MYOM2: variants seen among roughly 807,000 people sequenced by gnomAD.
The protein encoded by MYOM2 is myomesin 2.
A neutral mutation model predicts 187.6 loss-of-function variants in MYOM2; 254 were observed. The observed-to-expected ratio is 1.35, with a 90% CI of 1.22 to 1.50. The LOEUF (loss-of-function observed/expected upper bound fraction) is 1.50, where lower values mean the gene tolerates loss of function less well. Ranked by LOEUF, MYOM2 falls within the 40% of genes most tolerant of loss-of-function variation. The probability of loss-of-function intolerance (pLI) is 0.00; values close to 1 mark genes in which losing one functional copy is unlikely to be tolerated. For synonymous variants in MYOM2, 981 were observed against 753.8 expected, an observed-to-expected ratio of 1.30 and a Z score of -4.94; for missense variants, 2,796 against 1,924.0, an observed-to-expected ratio of 1.45 and a Z score of -8.48.
Position 2,073,404 on chromosome 8 carries a change from T to C in MYOM2, c.1024T>C (p.Phe342Leu), listed in dbSNP as rs376024606. ...TGGAGAAGGCCAGGCCTCCCTGTCC[T>C]TCAGCCACCTGCACAAGGACGACGA... ...FFGEGQASLSFSHLHKDDEGL... is the reference protein window; with the variant it reads ...FFGEGQASLSLSHLHKDDEGL... Residue 342 changes from phenylalanine to leucine, a missense_variant, in exon 10 of 37, where the codon TTC (phenylalanine) becomes CTC (leucine). Physicochemically the swap from Phe to Leu is conservative, Grantham distance 22. Transcript: ENST00000262113. The C allele has an allele frequency of 4.5e-5, 73 of 1,613,276 alleles. No homozygotes were observed. The highest frequency in any genetic ancestry group is 3.3e-4 in the Middle Eastern group (2 of 6,084).
At chr8:2,108,078 C>G (rs1378486217) in intron 23 of MYOM2, among the ~76,000 whole-genome samples, 1 of 152,124 alleles carries the variant, frequency 6.6e-6, no homozygotes, top group African/African-American at 2.4e-5. Context: ...GCAGAAAAAT[C>G]TAACTTCATT....
intron 32 of MYOM2, among the ~76,000 whole-genome samples, chr8:2,131,649 T>C (rs1370245482): frequency 6.7e-6 from 1 of 150,188 alleles, no homozygotes; most frequent in Non-Finnish European, 1.5e-5. Flanking sequence ...CTTTCTTTTT[T>C]TTTTTTTTTT....
At chr8:2,058,059 C>A (rs1396725924) in intron 5 of MYOM2, among the ~76,000 whole-genome samples, 1 of 114,458 alleles carries the variant, frequency 8.7e-6, no homozygotes, top group Non-Finnish European at 1.6e-5. Context: ...CGCTCTGTTG[C>A]CCAGGCTGGA....
intron 1 of MYOM2, among the ~76,000 whole-genome samples, chr8:2,047,319 A>C (rs1477304873): frequency 6.6e-6 from 1 of 152,106 alleles, no homozygotes; most frequent in Non-Finnish European, 1.5e-5. Context: ...ACACTGGGGA[A>C]GTTCTAACAT....
In MYOM2 at chr8:2,111,690, C is replaced by T. The variant is rs190984460; in HGVS notation, c.3180+2159C>T. 7.0e-4 allele frequency among the ~76,000 whole-genome samples: 106 copies of T among 152,300 alleles called. No individual in the cohort carries two copies. In the South Asian group the frequency reaches 7.5e-3, roughly 11 times the overall value. On this transcript the variant is annotated intron_variant, in intron 25 of 36. Transcript: ENST00000262113. Reference sequence around the variant, plus strand: ...CTCCTGCTCATGGTACCTCCAAGAGCGACGTCAGTCTCCAGGGACGGGGAC... The same window carrying T: ...CTCCTGCTCATGGTACCTCCAAGAGTGACGTCAGTCTCCAGGGACGGGGAC...
intron 27 of MYOM2, among the ~76,000 whole-genome samples, chr8:2,116,942 G>T (rs976271200): frequency 3.1e-5 from 2 of 64,184 alleles, no homozygotes; most frequent in Non-Finnish European, 6.5e-5. Context: ...TGTATTTTTA[G>T]TAGAGACGGA....
chr8:2,109,340 T>G (rs77802404), intron 24 of MYOM2, 55 bp from the exon 25 acceptor site: 38,061 of 1,522,698 alleles, frequency 0.025, 620 homozygotes, highest in African/African-American at 0.068. Flanking sequence ...TTGCAGGTAT[T>G]CTTCCTCACA....
At chr8:2,083,178 G>C (rs934848905) in intron 13 of MYOM2, among the ~76,000 whole-genome samples, 1 of 152,190 alleles carries the variant, frequency 6.6e-6, no homozygotes, top group Non-Finnish European at 1.5e-5. Flanking sequence ...CAAAAAGCAT[G>C]TGTGTTTATA....
intron 25 of MYOM2, among the ~76,000 whole-genome samples, chr8:2,113,460 G>A (rs1358137194): frequency 2.0e-5 from 3 of 152,206 alleles, no homozygotes; most frequent in South Asian, 4.1e-4. Context: ...TACCCCAGAT[G>A]CTGCCTGGGG....
intron 10 of MYOM2, among the ~76,000 whole-genome samples, chr8:2,074,431 C>A (rs1819343420): frequency 6.6e-6 from 1 of 151,918 alleles, no homozygotes; most frequent in Non-Finnish European, 1.5e-5. Flanking sequence ...GCAGAAGGGG[C>A]CCACCTACTC....
At chr8:2,091,016 C>CTTTTTTTTT (rs35873643) in intron 15 of MYOM2, among the ~76,000 whole-genome samples, 5 of 86,514 alleles carry the variant, frequency 5.8e-5, no homozygotes, top group Admixed American at 1.6e-4. Flanking sequence ...AATGATAGTT[C>CTTTTTTTTT]TTTTTTTTTT....
chr8:2,097,472 T>C (rs1796533976), intron 18 of MYOM2, among the ~76,000 whole-genome samples: 1 of 152,208 alleles, frequency 6.6e-6, no homozygotes, highest in Non-Finnish European at 1.5e-5. Flanking sequence ...CTCCCAGTAC[T>C]TACAATTTTT....
chr8:2,056,973 G>T (rs980290120), intron 3 of MYOM2, among the ~76,000 whole-genome samples: 3 of 152,200 alleles, frequency 2.0e-5, no homozygotes, highest in Non-Finnish European at 4.4e-5. Flanking sequence ...TTAAGTTCCC[G>T]ACTCTCTGAG....
At chr8:2,121,558 C>G (rs767192555) in intron 28 of MYOM2, among the ~76,000 whole-genome samples, 3 of 152,164 alleles carry the variant, frequency 2.0e-5, no homozygotes, top group Non-Finnish European at 4.4e-5. Context: ...GTGTCCCTGT[C>G]AAGCCTGTGA....
Position 2,093,494 on chromosome 8 carries a change from T to G in MYOM2, c.2004-476T>G, listed in dbSNP as rs1434680022. On this transcript the variant is annotated intron_variant, in intron 16 of 36. Coordinates refer to ENST00000262113, the MANE Select transcript of MYOM2 (RefSeq NM_003970.4). ...GGAATTATCATCCCCATCTTACAAA[T>G]AGAAAAACAAAGTCTTACAGGGGTT... 3.9e-5 allele frequency among the ~76,000 whole-genome samples: 6 copies of G among 152,192 alleles called. No individual in the cohort carries two copies. The South Asian group carries it at 1.2e-3, about 32-fold the overall frequency.
Position 2,102,792 on chromosome 8 carries a change from C to A in MYOM2, c.2734+11C>A. ...TAGAGGCGAGACCAGGTAAGGCTTACAACAAAAACTACAAAACAGCAATGA... is the reference window on the plus strand; with the variant it reads ...TAGAGGCGAGACCAGGTAAGGCTTAAAACAAAAACTACAAAACAGCAATGA... On this transcript the variant is annotated intron_variant, in intron 21 of 36. Coordinates refer to ENST00000262113, the MANE Select transcript of MYOM2 (RefSeq NM_003970.4). The A allele has an allele frequency of 1.3e-6, 2 of 1,599,496 alleles. No individual in the cohort carries two copies. The highest frequency in any genetic ancestry group is 1.7e-6 in the Non-Finnish European group (2 of 1,167,564).
At chr8:2,094,326 CATT>C (rs1347310500) in intron 17 of MYOM2, among the ~76,000 whole-genome samples, 6 of 106,512 alleles carry the variant, frequency 5.6e-5, no homozygotes, top group East Asian at 3.1e-4. Flanking sequence ...AAATAGAAAA[CATT>C]GTTGTTGCCA....
At chr8:2,112,795 T>C (rs972189644) in intron 25 of MYOM2, among the ~76,000 whole-genome samples, 2 of 152,136 alleles carry the variant, frequency 1.3e-5, no homozygotes, top group African/African-American at 4.8e-5. Context: ...CAGAAGAAGG[T>C]TGCTGATTTT....
At chr8:2,116,699 A>C (rs190017110) in intron 27 of MYOM2, among the ~76,000 whole-genome samples, 14 of 152,318 alleles carry the variant, frequency 9.2e-5, no homozygotes, top group Admixed American at 9.1e-4. Flanking sequence ...TGTTAACTAG[A>C]TACAAAGGAA....
Sources: gnomAD v4.1 joint callset for allele counts (sites outside exome capture counted in the v4.1 genomes callset) on GRCh38, gnomAD v4.1.1 for gene constraint, MANE v1.5 for transcripts, NCBI Gene and HGNC (gene_info 2026-07-23, HGNC 2026-07-21) for gene names.